BECN1: variants seen among roughly 807,000 people sequenced by gnomAD.
BECN1 encodes beclin-1.
Under a neutral mutation model 60.1 loss-of-function variants are expected in BECN1, and 15 were observed. The ratio of observed to expected loss-of-function variants is 0.25; its 90% CI spans 0.17 to 0.38. BECN1 has a LOEUF of 0.38. Among genes scored for constraint, BECN1 ranks in the 10% least tolerant of loss-of-function variants. The pLI, the probability that BECN1 is intolerant of heterozygous loss-of-function variation, is 1.00. For synonymous variants in BECN1, 179 were observed against 201.8 expected (o/e 0.89, Z 0.96); for missense variants, 424 against 548.2 (o/e 0.77, Z 2.26).
In BECN1 at chr17:42,814,606, A is replaced by G. The variant is rs1225553357; in HGVS notation, c.898T>C (p.Trp300Arg). 5 of 1,614,184 alleles carry G rather than the reference A, an allele frequency of 3.1e-6. No individual in the cohort carries two copies. Among genetic ancestry groups the G allele is most frequent in the South Asian group, 1.1e-5 (1 of 91,082 alleles). ...CCCCAAGCAGCATTAATCTCATTCC[A>G]TTCCACGGGAACACTGGGCAGGCGA... is the stretch of plus-strand genomic sequence containing the variant. Reference protein sequence around the residue: ...LGRLPSVPVEWNEINAAWGQT... With the variant: ...LGRLPSVPVERNEINAAWGQT... Residue 300 changes from tryptophan to arginine, a missense_variant, in exon 9 of 12, where the codon TGG becomes CGG. Coordinates refer to ENST00000590099, the MANE Select transcript of BECN1 (RefSeq NM_001313998.2).
chr17:42,823,589 TTA>T (rs1197851201), intron 2 of BECN1, 157 bp downstream of exon 2: 10 of 1,098,478 alleles, frequency 9.1e-6, no homozygotes, highest in Non-Finnish European at 1.3e-5. Flanking sequence ...TCAGAATGCT[TTA>T]TGTTTCCAAG....
intron 8 of BECN1, chr17:42,815,594 A>G (rs1339140127): frequency 2.7e-6 from 1 of 372,830 alleles, no homozygotes; most frequent in Non-Finnish European, 4.9e-6. Context: ...CCTTTTCCAG[A>G]GTAGACACTC....
At chr17:42,814,091 C>A in intron 9 of BECN1, 83 bp from the exon 10 acceptor site, 1 of 978,574 alleles carries the variant, frequency 1.0e-6, no homozygotes, top group Non-Finnish European at 1.5e-6. Flanking sequence ...TGATTTCACT[C>A]TTCATTCTGG....
chr17:42,813,870 A>G lies in BECN1; in HGVS notation c.1041+78T>C, dbSNP rs1161138871. 9.4e-6 allele frequency: 10 copies of G among 1,058,444 alleles called. No homozygotes were observed. In the Middle Eastern group the frequency reaches 6.4e-4, roughly 68 times the overall value. 65.6% of individuals were successfully genotyped at this position (1,058,444 alleles called of 1,614,324 possible). ...GGTCTAAAAAATAAATTGAATGCCA[A>G]TATCAAAGCAAACCATCCATTTTCT... On this transcript the variant is annotated intron_variant, in intron 10 of 11. Coordinates refer to ENST00000590099, the MANE Select transcript of BECN1 (RefSeq NM_001313998.2).
intron 2 of BECN1, among the ~76,000 whole-genome samples, chr17:42,821,173 C>T (rs2055256456): frequency 6.6e-6 from 1 of 152,130 alleles, no homozygotes; most frequent in South Asian, 2.1e-4. Flanking sequence ...GATTCCCCTG[C>T]TTCAGTCTCC....
At chr17:42,821,534 A>T (rs925756956) in intron 2 of BECN1, among the ~76,000 whole-genome samples, 1 of 152,234 alleles carries the variant, frequency 6.6e-6, no homozygotes, top group Non-Finnish European at 1.5e-5. Context: ...ACAGGAGTTC[A>T]TGATATACTC....
intron 1 of BECN1, 74 bp downstream of exon 1, chr17:42,824,081 G>A: frequency 3.4e-6 from 2 of 596,394 alleles, no homozygotes; most frequent in South Asian, 5.0e-5. Flanking sequence ...GGTCAGGGAA[G>A]GGACTCCAAT....
Position 42,814,929 on chromosome 17 carries a change from G to A in BECN1, c.831-256C>T, listed in dbSNP as rs114174256. 3.8e-3 allele frequency: 1,866 copies of A among 495,934 alleles called. 26 individuals are homozygous for A. The highest frequency in any genetic ancestry group is 0.031 in the African/African-American group (1,591 of 51,542). 30.7% of individuals were successfully genotyped at this position (495,934 alleles called of 1,614,324 possible). On this transcript the variant is annotated intron_variant, in intron 8 of 11. Transcript: ENST00000590099. The stretch of plus-strand genomic sequence containing the variant: ...CCGTGCAAAACTGCCAACCTCTCCT[G>A]ATTCTACCTGCTAAATATCTTGGAT...
At chr17:42,811,326 G>A (rs892809848) in intron 11 of BECN1, 52 of 288,114 alleles carry the variant, frequency 1.8e-4, no homozygotes, top group Middle Eastern at 2.0e-3. Flanking sequence ...TCCATCAATG[G>A]GATCCTAGAA....
chr17:42,816,007 T>G lies in BECN1; in HGVS notation c.731A>C (p.Asp244Ala). Residue 244 changes from aspartate to alanine, a missense_variant, in exon 8 of 12, where the codon GAT becomes GCT. Physicochemically the swap from Asp to Ala is moderately radical, Grantham distance 126. Coordinates refer to ENST00000590099, the MANE Select transcript of BECN1 (RefSeq NM_001313998.2). The stretch of plus-strand genomic sequence containing the variant: ...GTTTTCAACACTCTTCAGCTCATCA[T>G]CCAGCTCCAGCTGCTGTCGTTTAAA... The part of the protein sequence containing the change: ...SEFKRQQLEL[D>A]DELKSVENQM... 6.2e-7 allele frequency: 1 copy of G among 1,611,920 alleles called. No homozygotes were observed. The highest frequency in any genetic ancestry group is 8.5e-7 in the Non-Finnish European group (1 of 1,178,940).
chr17:42,824,207 G>A lies in BECN1; in HGVS notation c.-55C>T. ...GTCCGGTCTACCGCGGAGGCACTGT[G>A]GCCTCGGGTCGGCCCCGGAGCGAGG... On this transcript the variant is annotated 5_prime_UTR_variant, in exon 1 of 12. Transcript: ENST00000590099. 2 of 416,252 alleles carry A rather than the reference G, an allele frequency of 4.8e-6. No homozygotes were observed. Among genetic ancestry groups the A allele is most frequent in the Admixed American group, 8.5e-5 (2 of 23,416 alleles). The allele number at this position is 416,252 out of a possible 1,614,324, so 25.8% of individuals were successfully genotyped here.
Position 42,810,814 on chromosome 17 carries a change from C to G in BECN1, c.1299G>C (p.Leu433=), listed in dbSNP as rs1343458339. 9.3e-6 allele frequency: 15 copies of G among 1,613,498 alleles called. No homozygotes were observed. The highest frequency in any genetic ancestry group is 1.3e-5 in the Non-Finnish European group (15 of 1,179,726). Residue 433 remains leucine (L), a synonymous_variant, in exon 12 of 12, where the codon CTG becomes CTC. Coordinates refer to ENST00000590099, the MANE Select transcript of BECN1 (RefSeq NM_001313998.2). ...AAGCAAGACCCCACTTAAGATTCGTCAGCATGAACTTGAGAGCTTTTGTCC... is the reference window on the plus strand; with the variant it reads ...AAGCAAGACCCCACTTAAGATTCGTGAGCATGAACTTGAGAGCTTTTGTCC... ...EQWTKALKFM[L]TNLKWGLAWV...
intron 3 of BECN1, 23 bp from the exon 4 acceptor site, chr17:42,819,632 T>C: frequency 6.2e-7 from 1 of 1,611,512 alleles, no homozygotes; most frequent in Non-Finnish European, 8.5e-7. Flanking sequence ...TAAGAGGGCA[T>C]TACAACTCTG....
chr17:42,816,155 T>C lies in BECN1; in HGVS notation c.684-101A>G, dbSNP rs563229294. 5 of 1,233,164 alleles carry C rather than the reference T, an allele frequency of 4.1e-6. No homozygotes were observed. The African/African-American group carries it at 4.6e-5, about 11-fold the overall frequency. The allele number at this position is 1,233,164 out of a possible 1,614,324, so 76.4% of individuals were successfully genotyped here. ...ATTCTTTAGTGATCATCGTTACATC[T>C]AGCTCTCGCATCTTTTATATTTGGC... On this transcript the variant is annotated intron_variant, in intron 7 of 11. Coordinates refer to ENST00000590099, the MANE Select transcript of BECN1 (RefSeq NM_001313998.2).
intron 7 of BECN1, among the ~76,000 whole-genome samples, 178 bp downstream of exon 7, chr17:42,818,043 G>A (rs2055181156): frequency 6.6e-6 from 1 of 152,116 alleles, no homozygotes; most frequent in Admixed American, 6.5e-5. Flanking sequence ...CTCTTCATAG[G>A]TAACTCTCCC....
At position 42,818,800 on chromosome 17, in the gene BECN1, C is replaced by T; in HGVS notation, c.338G>A (p.Ser113Asn). The T allele has an allele frequency of 1.2e-6, 2 of 1,614,184 alleles. No individual in the cohort carries two copies. Among genetic ancestry groups the T allele is most frequent in the Non-Finnish European group, 1.7e-6 (2 of 1,180,036 alleles). Residue 113 changes from serine (S) to asparagine (N), a missense_variant, in exon 5 of 12, where the codon AGC becomes AAC. By Grantham distance (46) the Ser-to-Asn change is conservative. Transcript: ENST00000590099. ...ASDGGTMENL[S>N]RRLKVTGDLF... ...GGGCCGACTTGCCTTCAGTCTTCGG[C>T]TGAGGTTCTCCATGGTGCCGCCATC...
chr17:42,819,489 A>T, intron 4 of BECN1, 59 bp downstream of exon 4: 1 of 1,575,640 alleles, frequency 6.3e-7, no homozygotes. Flanking sequence ...CGATTCCTGG[A>T]TTTAATTAAA....
intron 2 of BECN1, among the ~76,000 whole-genome samples, chr17:42,823,277 C>T (rs1452741109): frequency 1.3e-5 from 2 of 152,078 alleles, no homozygotes; most frequent in Admixed American, 6.5e-5. Flanking sequence ...TTTTTTGAGA[C>T]GGAGCCTCGC....
At position 42,814,607 on chromosome 17, in the gene BECN1, T is replaced by C. The variant is rs1279532897; in HGVS notation, c.897A>G (p.Glu299=). 1 of 1,614,152 alleles carries C rather than the reference T, an allele frequency of 6.2e-7. No individual in the cohort carries two copies. Among genetic ancestry groups the C allele is most frequent in the East Asian group, 2.2e-5 (1 of 44,884 alleles). ...RLGRLPSVPV[E]WNEINAAWGQ... is the part of the protein sequence containing the mutation. The stretch of plus-strand genomic sequence containing the variant: ...CCCAAGCAGCATTAATCTCATTCCA[T>C]TCCACGGGAACACTGGGCAGGCGAC... Residue 299 remains glutamate, a synonymous_variant, in exon 9 of 12, where the codon GAA becomes GAG. Coordinates refer to ENST00000590099, the MANE Select transcript of BECN1 (RefSeq NM_001313998.2).
Sources: gnomAD v4.1 joint callset for allele counts (sites outside exome capture counted in the v4.1 genomes callset) on GRCh38, gnomAD v4.1.1 for gene constraint, MANE v1.5 for transcripts, NCBI Gene and HGNC (gene_info 2026-07-23, HGNC 2026-07-21) for gene names.